Variants in TTC28 observed in about 807,000 individuals in gnomAD.
TTC28 encodes tetratricopeptide repeat domain 28.
TTC28 carries 61 observed loss-of-function variants against 198.0 expected under a neutral mutation model. The observed-to-expected ratio is 0.31, with a 90% CI of 0.25 to 0.38. The LOEUF is 0.38. TTC28 is among the 10% of genes least tolerant of loss of function. The probability of loss-of-function intolerance (pLI) is 1.00; values close to 1 mark genes in which losing one functional copy is unlikely to be tolerated. For missense variants in TTC28, 2,678 were observed against 3,164.0 expected, an observed-to-expected ratio of 0.85 and a Z score of 3.69; for synonymous variants, 1,171 against 1,297.8, an observed-to-expected ratio of 0.90 and a Z score of 2.10.
chr22:28,195,923 C>T (rs71229493), intron 5 of TTC28, among the ~76,000 whole-genome samples: 190 of 152,026 alleles, frequency 1.2e-3, no homozygotes, highest in Middle Eastern at 3.4e-3. Context: ...CTTCACAGAA[C>T]TGGAAAAAAC....
At chr22:28,676,727 A>T (rs1428132975) in intron 1 of TTC28, among the ~76,000 whole-genome samples, 1 of 151,690 alleles carries the variant, frequency 6.6e-6, no homozygotes, top group East Asian at 1.9e-4. Context: ...TAGAAATAAA[A>T]AAAAAAAAAA....
chr22:28,660,528 T>A (rs1354319768), intron 1 of TTC28, among the ~76,000 whole-genome samples: 1 of 151,282 alleles, frequency 6.6e-6, no homozygotes, highest in African/African-American at 2.4e-5. Context: ...TTGGTTTGGT[T>A]TGGTTTGGTT....
At chr22:28,281,210 C>T (rs897722698) in intron 5 of TTC28, among the ~76,000 whole-genome samples, 9 of 152,104 alleles carry the variant, frequency 5.9e-5, no homozygotes, top group South Asian at 2.1e-4. Flanking sequence ...TTTATCTTTC[C>T]GTAACATGTA....
At chr22:28,501,334 A>G (rs1263931477) in intron 2 of TTC28, among the ~76,000 whole-genome samples, 3 of 152,146 alleles carry the variant, frequency 2.0e-5, no homozygotes, top group Admixed American at 6.5e-5. Flanking sequence ...GATGTGATGT[A>G]TAAGGTGTTC....
At chr22:28,476,231 G>T (rs2048164656) in intron 2 of TTC28, among the ~76,000 whole-genome samples, 1 of 152,024 alleles carries the variant, frequency 6.6e-6, no homozygotes, top group African/African-American at 2.4e-5. Context: ...ATCACATTAT[G>T]CCTGAATAAA....
chr22:28,377,149 T>C (rs2046423673), intron 2 of TTC28, among the ~76,000 whole-genome samples: 1 of 114,170 alleles, frequency 8.8e-6, no homozygotes, highest in South Asian at 2.6e-4. Context: ...GATTCTAAAG[T>C]AAAAAACCAA....
chr22:28,386,681 G>A (rs1276378799), intron 2 of TTC28, among the ~76,000 whole-genome samples: 13 of 152,112 alleles, frequency 8.5e-5, no homozygotes, highest in Non-Finnish European at 1.9e-4. Context: ...GGAAGTAAAA[G>A]GGAGAGAAGC....
intron 12 of TTC28, among the ~76,000 whole-genome samples, chr22:28,032,940 A>G (rs1939191822): frequency 6.6e-6 from 1 of 152,230 alleles, no homozygotes; most frequent in Non-Finnish European, 1.5e-5. Flanking sequence ...ACAGGCAGGC[A>G]GGTGAAGGCT....
chr22:28,121,975 C>T (rs1382641455), intron 6 of TTC28, among the ~76,000 whole-genome samples: 1 of 152,200 alleles, frequency 6.6e-6, no homozygotes, highest in Non-Finnish European at 1.5e-5. Flanking sequence ...TCAAGCGATT[C>T]TCCTGCCTCA....
chr22:28,142,263 C>T (rs914096088), intron 6 of TTC28, among the ~76,000 whole-genome samples: 7 of 152,158 alleles, frequency 4.6e-5, no homozygotes, highest in Non-Finnish European at 8.8e-5. Context: ...GCAAATATTC[C>T]GAGTTCTAAG....
At chr22:28,308,487 A>G (rs183746765) in intron 2 of TTC28, among the ~76,000 whole-genome samples, 2 of 152,338 alleles carry the variant, frequency 1.3e-5, no homozygotes, top group East Asian at 3.9e-4. Context: ...CTTAGTATCA[A>G]TGAATTCTGA....
At chr22:28,404,211 C>T (rs2046963730) in intron 2 of TTC28, among the ~76,000 whole-genome samples, 1 of 152,066 alleles carries the variant, frequency 6.6e-6, no homozygotes, top group South Asian at 2.1e-4. Context: ...GCTCTGCCTC[C>T]CTGGTTCACA....
intron 2 of TTC28, among the ~76,000 whole-genome samples, chr22:28,553,790 G>T (rs1465536326): frequency 6.6e-6 from 1 of 152,096 alleles, no homozygotes; most frequent in Non-Finnish European, 1.5e-5. Flanking sequence ...CCCCGTCCGG[G>T]AGGTGAGGGG....
chr22:28,498,919 T>C (rs1221518078), intron 2 of TTC28, among the ~76,000 whole-genome samples: 1 of 152,202 alleles, frequency 6.6e-6, no homozygotes, highest in Non-Finnish European at 1.5e-5. Flanking sequence ...CTCACGCCTG[T>C]AATCCCAGCA....
rs920664211 is a variant in TTC28 at position 28,100,355 on chromosome 22, G to T, written c.3417+816C>A. On this transcript the variant is annotated intron_variant, in intron 9 of 22. Transcript: ENST00000397906. The stretch of plus-strand genomic sequence containing the variant: ...AAGAGGATAGTTTCTACCTCACAGG[G>T]TTATTTTAAGGATCAAATTCACTGA... Among the ~76,000 whole-genome samples, 3 of 152,298 alleles carry T rather than the reference G, an allele frequency of 2.0e-5. No individual in the cohort carries two copies. The South Asian group carries it at 6.2e-4, about 32-fold the overall frequency.
At position 28,671,682 on chromosome 22, in the gene TTC28, CATTTTTTTTTTGAGACAGAGTCT is replaced by C. The variant is rs1247706422; in HGVS notation, c.102+7917_102+7939del. The stretch of plus-strand genomic sequence containing the variant: ...TCTTCCATTATGTGGATTTTGTTTT[CATTTTTTTTTTGAGACAGAGTCT>C]TGCTTTGTCGCCCAGGCTGGAATGC... On this transcript the variant is annotated intron_variant, in intron 1 of 22. Coordinates refer to ENST00000397906, the MANE Select transcript of TTC28 (RefSeq NM_001145418.2). Among the ~76,000 whole-genome samples, 1,140 of 147,068 alleles carry C rather than the reference CATTTTTTTTTTGAGACAGAGTCT, an allele frequency of 7.8e-3. 6 individuals are homozygous for C. Among genetic ancestry groups the C allele is most frequent in the Middle Eastern group, 0.017 (5 of 290 alleles).
At chr22:28,269,502 C>T (rs1289966190) in intron 5 of TTC28, among the ~76,000 whole-genome samples, 6 of 152,076 alleles carry the variant, frequency 3.9e-5, no homozygotes, top group Non-Finnish European at 7.4e-5. Context: ...GTTTTTGACA[C>T]CCAGCATGAT....
chr22:28,370,216 C>T (rs2046311113), intron 2 of TTC28, among the ~76,000 whole-genome samples: 1 of 152,208 alleles, frequency 6.6e-6, no homozygotes, highest in Non-Finnish European at 1.5e-5. Flanking sequence ...TCCTCTGAAG[C>T]TACAGCTTCT....
intron 2 of TTC28, among the ~76,000 whole-genome samples, chr22:28,307,151 C>T (rs982906918): frequency 3.3e-5 from 5 of 152,076 alleles, no homozygotes; most frequent in African/African-American, 1.2e-4. Context: ...TGGCTACTTA[C>T]TTTTAATATG....
Sources: gnomAD v4.1 joint callset for allele counts (sites outside exome capture counted in the v4.1 genomes callset) on GRCh38, gnomAD v4.1.1 for gene constraint, MANE v1.5 for transcripts, NCBI Gene and HGNC (gene_info 2026-07-23, HGNC 2026-07-21) for gene names.